The following MAPKAPK5 variants were observed in gnomAD, a reference collection of about 807,000 sequenced individuals.
MAPKAPK5 encodes the protein MAPK activated protein kinase 5, also known as MAP kinase-activated protein kinase 5.
In MAPKAPK5, 30 loss-of-function variants were observed where a neutral mutation model predicts 65.1. The observed-to-expected ratio is 0.46, with a 90% CI of 0.34 to 0.63. MAPKAPK5 has a LOEUF of 0.63. MAPKAPK5 is among the 20% of genes least tolerant of loss of function. The pLI is 0.01. For missense variants in MAPKAPK5, 433 were observed against 581.4 expected (o/e 0.74, Z 2.63); for synonymous variants, 179 against 204.6 (o/e 0.87, Z 1.07).
chr12:111,900,635 T>C lies in MAPKAPK5; in HGVS notation c.*7574T>C, dbSNP rs1168778050. 11 of 456,004 alleles carry C rather than the reference T, an allele frequency of 2.4e-5. No homozygotes were observed. Among genetic ancestry groups the C allele is most frequent in the Admixed American group, 7.0e-5 (3 of 42,558 alleles). 28.2% of individuals were successfully genotyped at this position (456,004 alleles called of 1,614,324 possible). On this transcript the variant is annotated 3_prime_UTR_variant, in exon 14 of 14. Transcript: ENST00000550735. The stretch of plus-strand genomic sequence containing the variant: ...ACTGTGGTTCTCTATGTCAGCATCA[T>C]GCATGCTGTGATGAAAACTGTATAC...
chr12:111,893,331 A>C lies in MAPKAPK5; in HGVS notation c.*270A>C, dbSNP rs1425829659. ...TGTCAAGCAATATTGTTTTATTTGT[A>C]ATAAAATATACAAAAATCACTTGCC... On this transcript the variant is annotated 3_prime_UTR_variant, in exon 14 of 14. Transcript: ENST00000550735. 5.6e-6 allele frequency: 1 copy of C among 177,760 alleles called. No homozygotes were observed. Among genetic ancestry groups the C allele is most frequent in the Admixed American group, 6.1e-5 (1 of 16,302 alleles). 11.0% of individuals were successfully genotyped at this position (177,760 alleles called of 1,614,324 possible).
intron 7 of MAPKAPK5, among the ~76,000 whole-genome samples, chr12:111,874,378 A>G (rs2069883933): frequency 6.6e-6 from 1 of 151,070 alleles, no homozygotes. Context: ...CTGGGTGACT[A>G]GAGTGAAACT....
rs1387524057 is a variant in MAPKAPK5, at chr12:111,897,333, G to A, written c.*4272G>A. 1 of 152,204 alleles carries A rather than the reference G, an allele frequency of 6.6e-6. No homozygotes were observed. Among genetic ancestry groups the A allele is most frequent in the Non-Finnish European group, 1.5e-5 (1 of 68,024 alleles). 9.4% of individuals were successfully genotyped at this position (152,204 alleles called of 1,614,324 possible). On this transcript the variant is annotated 3_prime_UTR_variant, in exon 14 of 14. Coordinates refer to ENST00000550735, the MANE Select transcript of MAPKAPK5 (RefSeq NM_003668.4). Reference sequence around the variant, plus strand: ...AAAATGAGTTGAAGAAATGGTAATTGTTGGTCAAAGAAGCCAAAAGATTTA... The same window carrying A: ...AAAATGAGTTGAAGAAATGGTAATTATTGGTCAAAGAAGCCAAAAGATTTA...
Position 111,854,968 on chromosome 12 carries a change from G to T in MAPKAPK5, c.37-10282G>T, listed in dbSNP as rs1192267236. ...ATTCAGTTTTTTTTACTTGTTACAGGTCTATTCAGGTTTTCTTTTTCTTCT... is the reference window on the plus strand; with the variant it reads ...ATTCAGTTTTTTTTACTTGTTACAGTTCTATTCAGGTTTTCTTTTTCTTCT... On this transcript the variant is annotated intron_variant, in intron 1 of 13. Coordinates refer to ENST00000550735, the MANE Select transcript of MAPKAPK5 (RefSeq NM_003668.4). Among the ~76,000 whole-genome samples, 3 of 152,250 alleles carry T rather than the reference G, an allele frequency of 2.0e-5. No homozygotes were observed. The East Asian group carries it at 5.8e-4, about 29-fold the overall frequency.
At position 111,873,400 on chromosome 12, in the gene MAPKAPK5, A is replaced by G. The variant is rs115445452; in HGVS notation, c.579+2220A>G. Among the ~76,000 whole-genome samples the G allele has an allele frequency of 7.4e-3, 1,128 of 152,094 alleles. 13 individuals carry two copies. The highest frequency in any genetic ancestry group is 0.026 in the African/African-American group (1,093 of 41,480). ...TTTTTGCCCAGCCTGGAGTGGTGCA[A>G]TGGCGCGATCTCGACTCACTGCAAC... On this transcript the variant is annotated intron_variant, in intron 7 of 13. Transcript: ENST00000550735.
chr12:111,870,600 T>C (rs2069752524), intron 6 of MAPKAPK5, among the ~76,000 whole-genome samples: 1 of 152,206 alleles, frequency 6.6e-6, no homozygotes. Flanking sequence ...ATTTTGGATA[T>C]TATTTGGAGG....
intron 6 of MAPKAPK5, 101 bp downstream of exon 6, chr12:111,870,461 A>C: frequency 1.1e-6 from 1 of 887,002 alleles, no homozygotes; most frequent in East Asian, 2.6e-5. Flanking sequence ...AAAAGCTTTA[A>C]GCCAAAGTGC....
intron 1 of MAPKAPK5, among the ~76,000 whole-genome samples, chr12:111,862,129 G>A (rs2069460472): frequency 6.7e-6 from 1 of 149,406 alleles, no homozygotes; most frequent in African/African-American, 2.6e-5. Context: ...TGCCAGCCGT[G>A]GGCAATCTAG....
intron 1 of MAPKAPK5, among the ~76,000 whole-genome samples, chr12:111,855,171 T>C (rs905652181): frequency 6.6e-6 from 1 of 152,190 alleles, no homozygotes; most frequent in Non-Finnish European, 1.5e-5. Flanking sequence ...CTTTTTGTAT[T>C]GGTCAATTCA....
At position 111,886,814 on chromosome 12, in the gene MAPKAPK5, C is replaced by T. The variant is rs142824418; in HGVS notation, c.969+778C>T. On this transcript the variant is annotated intron_variant, in intron 10 of 13. Coordinates refer to ENST00000550735, the MANE Select transcript of MAPKAPK5 (RefSeq NM_003668.4). ...CACTAGGAAGGTATTTAGAGATAGT[C>T]AGACTTGGCGACTTGCAGACTTGCC... 9.9e-4 allele frequency among the ~76,000 whole-genome samples: 151 copies of T among 152,298 alleles called. 3 individuals carry two copies. In the East Asian group the frequency reaches 0.027, roughly 28 times the overall value.
At chr12:111,876,806 A>G (rs1017896373) in intron 7 of MAPKAPK5, among the ~76,000 whole-genome samples, 1 of 151,760 alleles carries the variant, frequency 6.6e-6, no homozygotes, top group African/African-American at 2.4e-5. Flanking sequence ...TATATACTCA[A>G]TAGTGGCACT....
Position 111,900,519 on chromosome 12 carries a change from G to A in MAPKAPK5, c.*7458G>A. The A allele has an allele frequency of 2.2e-6, 1 of 456,100 alleles. No homozygotes were observed. The highest frequency in any genetic ancestry group is 4.4e-6 in the Non-Finnish European group (1 of 226,808). The allele number at this position is 456,100 out of a possible 1,614,324, so 28.3% of individuals were successfully genotyped here. A position where few individuals can be genotyped will look rare whatever the true frequency, so the allele number is the denominator to read the frequency against. The stretch of plus-strand genomic sequence containing the variant: ...CCAGTTCCTTCGAGAACACAAAGGG[G>A]CCTGCCTATTTAACAAGCCACGGCC... On this transcript the variant is annotated 3_prime_UTR_variant, in exon 14 of 14. Transcript: ENST00000550735.
At position 111,899,657 on chromosome 12, in the gene MAPKAPK5, C is replaced by T. The variant is rs2070954298; in HGVS notation, c.*6596C>T. 3.4e-6 allele frequency: 1 copy of T among 295,068 alleles called. No individual in the cohort carries two copies. The highest frequency in any genetic ancestry group is 3.1e-5 in the South Asian group (1 of 32,398). 18.3% of individuals were successfully genotyped at this position (295,068 alleles called of 1,614,324 possible). A position where few individuals can be genotyped will look rare whatever the true frequency, so the allele number is the denominator to read the frequency against. On this transcript the variant is annotated 3_prime_UTR_variant, in exon 14 of 14. Transcript: ENST00000550735. ...TTCCAGTCTACAGTTACCACAATGG[C>T]CTCCTGGGGCAAGAATCGCCTTTCA...
chr12:111,871,732 G>A (rs1044446502), intron 7 of MAPKAPK5, among the ~76,000 whole-genome samples: 1 of 152,190 alleles, frequency 6.6e-6, no homozygotes, highest in Non-Finnish European at 1.5e-5. Context: ...ACTTCAAGGA[G>A]AGTTTGATGA....
chr12:111,842,555 C>T lies in MAPKAPK5; in HGVS notation c.-179C>T, dbSNP rs912729050. 5.0e-6 allele frequency: 2 copies of T among 402,778 alleles called. No homozygotes were observed. Among genetic ancestry groups the T allele is most frequent in the Non-Finnish European group, 9.0e-6 (2 of 222,998 alleles). 25.0% of individuals were successfully genotyped at this position (402,778 alleles called of 1,614,324 possible). A position where few individuals can be genotyped will look rare whatever the true frequency, so the allele number is the denominator to read the frequency against. The stretch of plus-strand genomic sequence containing the variant: ...GCTGCTGCTGCCGCCAGCCTAGAGC[C>T]GCCCGCCGAAGCAGAGCCGGCGCCG... On this transcript the variant is annotated 5_prime_UTR_variant, in exon 1 of 14. Transcript: ENST00000550735.
In MAPKAPK5 at chr12:111,889,953, G is replaced by A. The variant is rs1001961447; in HGVS notation, c.1217-87G>A. The stretch of plus-strand genomic sequence containing the variant: ...ACATTCAGTCAACATTTTTCAACCA[G>A]TTGGACATCACGTCCCTCCATCTCT... On this transcript the variant is annotated intron_variant, in intron 12 of 13. Transcript: ENST00000550735. 1.5e-5 allele frequency: 12 copies of A among 797,708 alleles called. No homozygotes were observed. The African/African-American group carries it at 2.1e-4, about 14-fold the overall frequency. 49.4% of individuals were successfully genotyped at this position (797,708 alleles called of 1,614,324 possible).
chr12:111,871,255 C>A, intron 7 of MAPKAPK5, 75 bp downstream of exon 7: 3 of 1,182,658 alleles, frequency 2.5e-6, no homozygotes, highest in Non-Finnish European at 2.5e-6. Flanking sequence ...TATTCTACAG[C>A]ACAAGTAGGC....
chr12:111,886,053 A>T lies in MAPKAPK5; in HGVS notation c.969+17A>T, dbSNP rs2070392235. On this transcript the variant is annotated intron_variant, in intron 10 of 13. Coordinates refer to ENST00000550735, the MANE Select transcript of MAPKAPK5 (RefSeq NM_003668.4). ...ATGGACAAGGTTTTGAATGATGTTT[A>T]CTTTGTTGGCTGAAAAGACTGTGTT... is the stretch of plus-strand genomic sequence containing the variant. 6.2e-7 allele frequency: 1 copy of T among 1,613,662 alleles called. No homozygotes were observed. The highest frequency in any genetic ancestry group is 8.5e-7 in the Non-Finnish European group (1 of 1,179,828).
At position 111,896,314 on chromosome 12, in the gene MAPKAPK5, A is replaced by T. The variant is rs548575207; in HGVS notation, c.*3253A>T. The stretch of plus-strand genomic sequence containing the variant: ...ACTTCAAGCTGAATTCATGCCCTCA[A>T]TGTAAGTGCTGTGTCCAGACACATC... On this transcript the variant is annotated 3_prime_UTR_variant, in exon 14 of 14. Transcript: ENST00000550735. 6.6e-6 allele frequency: 1 copy of T among 152,222 alleles called. No individual in the cohort carries two copies. Among genetic ancestry groups the T allele is most frequent in the East Asian group, 1.9e-4 (1 of 5,188 alleles). 9.4% of individuals were successfully genotyped at this position (152,222 alleles called of 1,614,324 possible).
Sources: allele counts gnomAD v4.1 joint callset (sites outside exome capture counted in the v4.1 genomes callset), GRCh38; gene constraint gnomAD v4.1.1; transcripts MANE v1.5; gene names NCBI Gene and HGNC (gene_info 2026-07-23, HGNC 2026-07-21).